Variants in PKLR observed in about 807,000 individuals in gnomAD.
The protein encoded by PKLR is pyruvate kinase PKLR.
A neutral mutation model predicts 53.6 loss-of-function variants in PKLR; 38 were observed. That is an observed-to-expected ratio of 0.71 (90% CI 0.55 to 0.93). The LOEUF (loss-of-function observed/expected upper bound fraction) is 0.93, where lower values mean the gene tolerates loss of function less well. PKLR is among the 40% of genes least tolerant of loss of function. The pLI, the probability that PKLR is intolerant of heterozygous loss-of-function variation, is 0.00. For synonymous variants in PKLR, 328 were observed against 316.2 expected (o/e 1.04, Z -0.39); for missense variants, 702 against 787.3 (o/e 0.89, Z 1.30).
In PKLR at chr1:155,294,350, A is replaced by G. The variant is rs1462758901; in HGVS notation, c.1001T>C (p.Met334Thr). 1.2e-6 allele frequency: 2 copies of G among 1,614,124 alleles called. No individual in the cohort carries two copies. The highest frequency in any genetic ancestry group is 1.3e-5 in the African/African-American group (1 of 75,042). The stretch of plus-strand genomic sequence containing the variant: ...GATGCCTAGGTCCCCCCGTGCCACC[A>G]TGATGCCGTCGCTCACCTCCAGGAT... ...DEILEVSDGI[M>T]VARGDLGIEI... is the part of the protein sequence containing the mutation. The change falls in exon 7 of 11, where the codon ATG (methionine) becomes ACG (threonine). Residue 334 changes from methionine to threonine, a missense_variant. By Grantham distance (81) the Met-to-Thr change is moderately conservative (BLOSUM62 -1). Transcript: ENST00000342741.
chr1:155,294,487 C>T lies in PKLR; in HGVS notation c.960G>A (p.Val320=), dbSNP rs1161341734. ...IISKIENHEG[V]KRFDEILEVS... The stretch of plus-strand genomic sequence containing the variant: ...GAACAGAGCCCAAGCCTCACCTCTT[C>T]ACGCCTTCGTGGTTCTCAATTTTGC... Residue 320 remains valine, a synonymous_variant, in exon 6 of 11, where the codon GTG becomes GTA. Coordinates refer to ENST00000342741, the MANE Select transcript of PKLR (RefSeq NM_000298.6). 8.1e-6 allele frequency: 13 copies of T among 1,614,126 alleles called. No homozygotes were observed. In the South Asian group the frequency reaches 1.3e-4, roughly 16 times the overall value.
At chr1:155,301,136 T>G (rs1647971609) in intron 1 of PKLR, 160 bp downstream of exon 1, 1 of 1,358,044 alleles carries the variant, frequency 7.4e-7, no homozygotes, top group Non-Finnish European at 1.0e-6. Flanking sequence ...CAGGCCAGGG[T>G]CCATAATTTA....
chr1:155,297,800 G>A (rs1483161481), intron 2 of PKLR, among the ~76,000 whole-genome samples: 1 of 152,130 alleles, frequency 6.6e-6, no homozygotes, highest in African/African-American at 2.4e-5. Context: ...ATGGTTTCTA[G>A]CTCTTCTAAC....
chr1:155,297,068 C>G (rs548218596), intron 2 of PKLR, among the ~76,000 whole-genome samples: 1 of 152,306 alleles, frequency 6.6e-6, no homozygotes, highest in African/African-American at 2.4e-5. Context: ...CTTTCCCAGT[C>G]TCCTTTCCTT....
the PKLR span, among the ~76,000 whole-genome samples, chr1:155,307,193 G>T: frequency 2.0e-5 from 3 of 152,204 alleles, no homozygotes; most frequent in Non-Finnish European, 4.4e-5. Context: ...GATTACAGGC[G>T]TGAGCCACTG....
Position 155,291,763 on chromosome 1 carries a change from A to C in PKLR, c.1611T>G (p.Ile537Met), listed in dbSNP as rs1259480655. 6.2e-7 allele frequency: 1 copy of C among 1,613,924 alleles called. No individual in the cohort carries two copies. Among genetic ancestry groups the C allele is most frequent in the Non-Finnish European group, 8.5e-7 (1 of 1,179,956 alleles). ...AAGGTCTAGGTAGCTCACCACTTTC[A>C]ATGCCAAATTGCACCCGGCGATCTA... ...DDVDRRVQFGIESGKLRGFLR... is the reference protein window; with the variant it reads ...DDVDRRVQFGMESGKLRGFLR... The change falls in exon 10 of 11, where the codon ATT (isoleucine) becomes ATG (methionine). Residue 537 changes from isoleucine to methionine, a missense_variant. By Grantham distance (10) the Ile-to-Met change is conservative. This residue lies in a region of PKLR where 183 missense variants were observed against 250.2 expected (regional missense o/e 0.73). Coordinates refer to ENST00000342741, the MANE Select transcript of PKLR (RefSeq NM_000298.6).
chr1:155,291,195 A>C (rs1674524756), intron 10 of PKLR, among the ~76,000 whole-genome samples: 1 of 152,068 alleles, frequency 6.6e-6, no homozygotes, highest in Non-Finnish European at 1.5e-5. Flanking sequence ...TGACCACTGC[A>C]GTATATTAAA....
chr1:155,302,067 C>CT (rs796358354), upstream of PKLR, among the ~76,000 whole-genome samples: 210 of 144,140 alleles, frequency 1.5e-3, 1 homozygote, highest in African/African-American at 4.3e-3. Flanking sequence ...TCTTTTTTTT[C>CT]TTTTTTTTTT....
Position 155,294,361 on chromosome 1 carries a change from G to T in PKLR, c.990C>A (p.Ser330Arg). 6.2e-7 allele frequency: 1 copy of T among 1,614,058 alleles called. No homozygotes were observed. Among genetic ancestry groups the T allele is most frequent in the Non-Finnish European group, 8.5e-7 (1 of 1,179,998 alleles). Residue 330 changes from serine to arginine, a missense_variant, in exon 7 of 11, where the codon AGC becomes AGA. Ser to Arg is a moderately radical substitution (Grantham distance 110). Around this residue, in one of 2 missense-constraint regions of PKLR, gnomAD observed 519 missense variants for 537.1 expected, o/e 0.97. Transcript: ENST00000342741. ...CCCCCCGTGCCACCATGATGCCGTCGCTCACCTCCAGGATTTCATCAAACC... is the reference window on the plus strand; with the variant it reads ...CCCCCCGTGCCACCATGATGCCGTCTCTCACCTCCAGGATTTCATCAAACC... ...VKRFDEILEVSDGIMVARGDL... is the reference protein window; with the variant it reads ...VKRFDEILEVRDGIMVARGDL...
rs1396138982 is a variant in PKLR at position 155,295,849 on chromosome 1, C to T, written c.284-93G>A. On this transcript the variant is annotated intron_variant, in intron 2 of 10. Transcript: ENST00000342741. This position sits in a 1 kb window ranked among gnomAD's most constrained non-coding sequence, Gnocchi z 4.3. Reference sequence around the variant, plus strand: ...TTACCATTCTCAGAACGCCTCACGCCACAGGCGTCCTGTTACCTGATCTTT... The same window carrying T: ...TTACCATTCTCAGAACGCCTCACGCTACAGGCGTCCTGTTACCTGATCTTT... 29 of 1,027,774 alleles carry T rather than the reference C, an allele frequency of 2.8e-5. No homozygotes were observed. The highest frequency in any genetic ancestry group is 4.0e-5 in the Non-Finnish European group (26 of 657,146). The allele number at this position is 1,027,774 out of a possible 1,614,324, so 63.7% of individuals were successfully genotyped here. A position where few individuals can be genotyped will look rare whatever the true frequency, so the allele number is the denominator to read the frequency against.
intron 1 of PKLR, 41 bp downstream of exon 1, chr1:155,301,255 T>G (rs766246153): frequency 5.0e-6 from 8 of 1,610,598 alleles, no homozygotes; most frequent in Non-Finnish European, 6.8e-6. Context: ...TTCACCCTCA[T>G]TTTCCTCCTA....
chr1:155,290,758 G>A (rs1253048523), intron 10 of PKLR, 80 bp from the exon 11 acceptor site: 1 of 859,720 alleles, frequency 1.2e-6, no homozygotes, highest in Non-Finnish European at 2.0e-6. Flanking sequence ...GGAAGCCAAG[G>A]CAGGAGGATC....
rs1647571257 is a variant in PKLR, at chr1:155,295,958, T to G, written c.284-202A>C. Among the ~76,000 whole-genome samples the G allele has an allele frequency of 6.6e-6, 1 of 152,020 alleles. No homozygotes were observed. Among genetic ancestry groups the G allele is most frequent in the Non-Finnish European group, 1.5e-5 (1 of 67,964 alleles). ...ATCCATCCCCTTGGGGAGGCAGCAG[T>G]GTGGAAATCGGAGGGGAGTGCCCTC... is the stretch of plus-strand genomic sequence containing the variant. On this transcript the variant is annotated intron_variant, in intron 2 of 10. Coordinates refer to ENST00000342741, the MANE Select transcript of PKLR (RefSeq NM_000298.6). The surrounding 1 kb of genome is among the most constrained non-coding windows in gnomAD (Gnocchi z 4.3).
At chr1:155,296,838 A>G (rs762960913) in intron 2 of PKLR, among the ~76,000 whole-genome samples, 21 of 151,648 alleles carry the variant, frequency 1.4e-4, no homozygotes, top group Non-Finnish European at 2.1e-4. Context: ...TCTCCCTTGA[A>G]CCCACCCCAC....
In PKLR at chr1:155,293,556, GT is replaced by G; in HGVS notation, c.1150del (p.Thr384ArgfsTer35). 6.2e-7 allele frequency: 1 copy of G among 1,614,188 alleles called. No homozygotes were observed. Among genetic ancestry groups the G allele is most frequent in the Non-Finnish European group, 8.5e-7 (1 of 1,180,036 alleles). On this transcript the variant is annotated frameshift_variant, in exon 8 of 11. Coordinates refer to ENST00000342741, the MANE Select transcript of PKLR (RefSeq NM_000298.6). LOFTEE classifies it high-confidence loss of function. The surrounding 1 kb of genome is among the most constrained non-coding windows in gnomAD (Gnocchi z 4.2). ...GGCGACATCGCTTGTCTCTGCCCTC[GT>G]TGGCCGGGGCTTGGTAATCATGCTC... is the stretch of plus-strand genomic sequence containing the variant. ...LESMITKPRP[T>X]RAETSDVANA... is the part of the protein sequence containing the mutation.
At chr1:155,304,128 C>A (rs1648167547), upstream of PKLR, among the ~76,000 whole-genome samples, 1 of 152,106 alleles carries the variant, frequency 6.6e-6, no homozygotes. Context: ...GTCCCTCCCG[C>A]TGCTGGGTAA....
rs748044200 is a variant in PKLR, at chr1:155,293,534, G to A, written c.1173C>T (p.Val391=). The change falls in exon 8 of 11, where the codon GTC becomes GTT. Residue 391 remains valine, a synonymous_variant. Transcript: ENST00000342741. The surrounding 1 kb of genome is among the most constrained non-coding windows in gnomAD (Gnocchi z 4.2). Reference sequence around the variant, plus strand: ...CAGCCCCATCCAGCACAGCATTGGCGACATCGCTTGTCTCTGCCCTCGTTG... The same window carrying A: ...CAGCCCCATCCAGCACAGCATTGGCAACATCGCTTGTCTCTGCCCTCGTTG... ...PRPTRAETSD[V]ANAVLDGADC... is the part of the protein sequence containing the mutation. 6.8e-6 allele frequency: 11 copies of A among 1,614,216 alleles called. No individual in the cohort carries two copies. Among genetic ancestry groups the A allele is most frequent in the South Asian group, 2.2e-5 (2 of 91,086 alleles).
upstream of PKLR, among the ~76,000 whole-genome samples, chr1:155,301,753 G>A (rs899435657): frequency 1.4e-4 from 22 of 152,058 alleles, no homozygotes; most frequent in African/African-American, 5.3e-4. Flanking sequence ...CCTGAAGAAA[G>A]ACAAAAGGGA....
chr1:155,295,098 C>A lies in PKLR; in HGVS notation c.694+18G>T, dbSNP rs1345601923. On this transcript the variant is annotated intron_variant, in intron 5 of 10. Coordinates refer to ENST00000342741, the MANE Select transcript of PKLR (RefSeq NM_000298.6). The surrounding 1 kb of genome is among the most constrained non-coding windows in gnomAD (Gnocchi z 4.3). ...GCCCAGCGCACGGATGTGGTCAGGG[C>A]GGGAGGCGCGTCCGCACCGATTTTC... The A allele has an allele frequency of 1.9e-6, 3 of 1,612,886 alleles. No individual in the cohort carries two copies. The highest frequency in any genetic ancestry group is 1.7e-4 in the Middle Eastern group (1 of 5,776).
Sources: gnomAD v4.1 joint callset for allele counts (sites outside exome capture counted in the v4.1 genomes callset) on GRCh38, gnomAD v4.1.1 for gene constraint, gnomAD v4.1.1 regional missense constraint, Gnocchi (gnomAD v3.1) non-coding constraint, MANE v1.5 for transcripts, NCBI Gene and HGNC (gene_info 2026-07-23, HGNC 2026-07-21) for gene names.